ST3GAL4: variants seen among roughly 807,000 people sequenced by gnomAD.
The protein encoded by ST3GAL4 is ST3 beta-galactoside alpha-2,3-sialyltransferase 4, also known as CMP-N-acetylneuraminate-beta-galactosamide-alpha-2,3-sialyltransferase 4.
A neutral mutation model predicts 42.6 loss-of-function variants in ST3GAL4; 24 were observed. That is an observed-to-expected ratio of 0.56 (90% CI 0.41 to 0.79). The LOEUF (loss-of-function observed/expected upper bound fraction) is 0.79, where lower values mean the gene tolerates loss of function less well. Among genes scored for constraint, ST3GAL4 ranks in the 30% least tolerant of loss-of-function variants. The pLI, the probability that ST3GAL4 is intolerant of heterozygous loss-of-function variation, is 0.00. For missense variants in ST3GAL4, 311 were observed against 430.8 expected (o/e 0.72, Z 2.46); for synonymous variants, 135 against 163.2 (o/e 0.83, Z 1.32).
At chr11:126,381,041 G>A (rs988398422) in intron 1 of ST3GAL4, among the ~76,000 whole-genome samples, 12 of 152,160 alleles carry the variant, frequency 7.9e-5, no homozygotes, top group Admixed American at 6.5e-4. Context: ...AAGAACATGG[G>A]GTGCACTTCT....
intron 1 of ST3GAL4, among the ~76,000 whole-genome samples, chr11:126,365,610 C>T (rs1952395244): frequency 1.3e-5 from 2 of 152,236 alleles, no homozygotes; most frequent in African/African-American, 2.4e-5. Context: ...CAGGCCCTGA[C>T]AGGCCGGTAT....
chr11:126,408,252 C>T (rs1954352592), intron 7 of ST3GAL4, 55 bp from the exon 8 acceptor site: 1 of 1,612,718 alleles, frequency 6.2e-7, no homozygotes, highest in African/African-American at 1.3e-5. Flanking sequence ...GAGCCAGGGA[C>T]TGTAGACAGG....
intron 1 of ST3GAL4, among the ~76,000 whole-genome samples, chr11:126,399,301 CTTTTTTTTTTTTTT>C (rs58479155): frequency 1.1e-5 from 1 of 87,736 alleles, no homozygotes; most frequent in Non-Finnish European, 2.0e-5. Flanking sequence ...TTCTTTCCTT[CTTTTTTTTTTTTTT>C]TTTTTTTGAG....
chr11:126,404,970 A>G (rs145713507), intron 1 of ST3GAL4, among the ~76,000 whole-genome samples: 3,266 of 152,346 alleles, frequency 0.021, 50 homozygotes, highest in Non-Finnish European at 0.034. Context: ...AAACATGGAA[A>G]GTTTCCACTG....
chr11:126,383,192 T>C lies in ST3GAL4; in HGVS notation c.-60-22904T>C, dbSNP rs1204222149. Among the ~76,000 whole-genome samples the C allele has an allele frequency of 6.6e-6, 1 of 152,166 alleles. No individual in the cohort carries two copies. Among genetic ancestry groups the C allele is most frequent in the Non-Finnish European group, 1.5e-5 (1 of 68,014 alleles). ...GGCTCATAGGCGTGGCTGGGTCTCC[T>C]CTCAGGTGCCAGAATCTTTCTGGGA... On this transcript the variant is annotated intron_variant, in intron 1 of 10. Transcript: ENST00000444328. This position sits in a 1 kb window ranked among gnomAD's most constrained non-coding sequence, Gnocchi z 4.5.
chr11:126,408,616 A>G, intron 8 of ST3GAL4, 120 bp downstream of exon 8: 1 of 1,263,456 alleles, frequency 7.9e-7, no homozygotes, highest in Non-Finnish European at 1.1e-6. Context: ...GGACAGCATG[A>G]ACCGGGCTCC....
chr11:126,356,559 T>G (rs1027719843), intron 1 of ST3GAL4, among the ~76,000 whole-genome samples: 1 of 152,240 alleles, frequency 6.6e-6, no homozygotes, highest in African/African-American at 2.4e-5. Context: ...GGGGAGGCTC[T>G]GTCTGGGCAG....
In ST3GAL4 at chr11:126,406,347, G is replaced by C; in HGVS notation, c.17-126G>C. On this transcript the variant is annotated intron_variant, in intron 2 of 10. Coordinates refer to ENST00000444328, the MANE Select transcript of ST3GAL4 (RefSeq NM_001254757.2). The surrounding 1 kb of genome is among the most constrained non-coding windows in gnomAD (Gnocchi z 5.4). ...GTCAAGCCCTCAGCCAGGGCCAGGA[G>C]AGGGCCAGAGACTGCTTCTGTTGAG... 1 of 1,553,814 alleles carries C rather than the reference G, an allele frequency of 6.4e-7. No individual in the cohort carries two copies. The highest frequency in any genetic ancestry group is 8.7e-7 in the Non-Finnish European group (1 of 1,149,384).
At position 126,406,092 on chromosome 11, in the gene ST3GAL4, C is replaced by G. The variant is rs1255238871; in HGVS notation, c.-60-4C>G. 2.6e-6 allele frequency: 4 copies of G among 1,551,596 alleles called. No homozygotes were observed. In the Admixed American group the frequency reaches 5.9e-5, roughly 23 times the overall value. On this transcript the variant is annotated splice_polypyrimidine_tract_variant and splice_region_variant and intron_variant, in intron 1 of 10. Transcript: ENST00000444328. The surrounding 1 kb of genome is among the most constrained non-coding windows in gnomAD (Gnocchi z 5.4). The stretch of plus-strand genomic sequence containing the variant: ...ACCGGACACCTGTGGCTCTTATTTC[C>G]TAGGTGGCCCGAGGCAGCCGGGATG...
In ST3GAL4 at chr11:126,383,920, C is replaced by T. The variant is rs528606721; in HGVS notation, c.-60-22176C>T. On this transcript the variant is annotated intron_variant, in intron 1 of 10. Coordinates refer to ENST00000444328, the MANE Select transcript of ST3GAL4 (RefSeq NM_001254757.2). This position sits in a 1 kb window ranked among gnomAD's most constrained non-coding sequence, Gnocchi z 4.5. ...ACAAACTGGAGAGGGACTCTCTTGC[C>T]GCCTTCTCTGTTCCTGGGGACAGGC... Among the ~76,000 whole-genome samples the T allele has an allele frequency of 6.6e-5, 10 of 152,252 alleles. No homozygotes were observed. The highest frequency in any genetic ancestry group is 8.8e-5 in the Non-Finnish European group (6 of 68,026).
chr11:126,359,939 A>C lies in ST3GAL4; in HGVS notation c.-61+4097A>C, dbSNP rs1952191484. On this transcript the variant is annotated intron_variant, in intron 1 of 10. Transcript: ENST00000444328. The surrounding 1 kb of genome is among the most constrained non-coding windows in gnomAD (Gnocchi z 4.8). ...GGGAGGGGCCCTATGGGGTCTAAGCACAGGGAACCCAGCCAAAGTGGCTGC... is the reference window on the plus strand; with the variant it reads ...GGGAGGGGCCCTATGGGGTCTAAGCCCAGGGAACCCAGCCAAAGTGGCTGC... 6.6e-6 allele frequency among the ~76,000 whole-genome samples: 1 copy of C among 152,210 alleles called. No individual in the cohort carries two copies. The highest frequency in any genetic ancestry group is 2.4e-5 in the African/African-American group (1 of 41,462).
At chr11:126,367,066 G>C (rs957993792) in intron 1 of ST3GAL4, among the ~76,000 whole-genome samples, 18 of 152,130 alleles carry the variant, frequency 1.2e-4, no homozygotes, top group African/African-American at 3.6e-4. Flanking sequence ...AGGGGGCACC[G>C]TGGTGGAGAT....
At position 126,386,659 on chromosome 11, in the gene ST3GAL4, C is replaced by G. The variant is rs1346150130; in HGVS notation, c.-60-19437C>G. ...GCCAGCTCTGCAGAAGCCACACCTGCTCATGAGAAGGGTATCCTTGTGAGT... is the reference window on the plus strand; with the variant it reads ...GCCAGCTCTGCAGAAGCCACACCTGGTCATGAGAAGGGTATCCTTGTGAGT... On this transcript the variant is annotated intron_variant, in intron 1 of 10. Coordinates refer to ENST00000444328, the MANE Select transcript of ST3GAL4 (RefSeq NM_001254757.2). This position sits in a 1 kb window ranked among gnomAD's most constrained non-coding sequence, Gnocchi z 4.7. Among the ~76,000 whole-genome samples, 2 of 152,108 alleles carry G rather than the reference C, an allele frequency of 1.3e-5. No homozygotes were observed. Among genetic ancestry groups the G allele is most frequent in the Non-Finnish European group, 2.9e-5 (2 of 68,026 alleles).
rs1478517587 is a variant in ST3GAL4, at chr11:126,400,216, G to A, written c.-60-5880G>A. ...CTGGGAAGTCCAAGATCAAGGGGCT[G>A]CTCTGGCAAGGGCCTTCTTGCTGCA... On this transcript the variant is annotated intron_variant, in intron 1 of 10. Transcript: ENST00000444328. This position sits in a 1 kb window ranked among gnomAD's most constrained non-coding sequence, Gnocchi z 4.6. Among the ~76,000 whole-genome samples the A allele has an allele frequency of 6.6e-6, 1 of 152,252 alleles. No homozygotes were observed. Among genetic ancestry groups the A allele is most frequent in the East Asian group, 1.9e-4 (1 of 5,198 alleles).
Position 126,414,504 on chromosome 11 carries a change from G to T in ST3GAL4, c.*457G>T, listed in dbSNP as rs1366721200. On this transcript the variant is annotated 3_prime_UTR_variant, in exon 11 of 11. Coordinates refer to ENST00000444328, the MANE Select transcript of ST3GAL4 (RefSeq NM_001254757.2). ...GGGCAGGGGCATTGGGAATGGGTGG[G>T]TGCCCTCCAGAGAGGGGCTGCTACC... 5.8e-6 allele frequency: 1 copy of T among 173,530 alleles called. No homozygotes were observed. Among genetic ancestry groups the T allele is most frequent in the Non-Finnish European group, 1.2e-5 (1 of 80,568 alleles). 10.7% of individuals were successfully genotyped at this position (173,530 alleles called of 1,614,324 possible). A position where few individuals can be genotyped will look rare whatever the true frequency, so the allele number is the denominator to read the frequency against.
At chr11:126,394,039 G>T (rs913550312) in intron 1 of ST3GAL4, among the ~76,000 whole-genome samples, 1 of 152,234 alleles carries the variant, frequency 6.6e-6, no homozygotes, top group Non-Finnish European at 1.5e-5. Context: ...AGTGGCCTGG[G>T]ACTGGGGTGA....
Position 126,397,919 on chromosome 11 carries a change from C to T in ST3GAL4, c.-60-8177C>T, listed in dbSNP as rs1264354975. ...GCCCTCATGGCCTACTCTTATGAGA[C>T]CCCACCTCACAACATTGTTAACATT... On this transcript the variant is annotated intron_variant, in intron 1 of 10. Transcript: ENST00000444328. The surrounding 1 kb of genome is among the most constrained non-coding windows in gnomAD (Gnocchi z 5.0). Among the ~76,000 whole-genome samples, 1 of 149,162 alleles carries T rather than the reference C, an allele frequency of 6.7e-6. No individual in the cohort carries two copies. Among genetic ancestry groups the T allele is most frequent in the African/African-American group, 2.4e-5 (1 of 41,318 alleles).
At chr11:126,356,508 C>T (rs1282056883) in intron 1 of ST3GAL4, among the ~76,000 whole-genome samples, 2 of 152,230 alleles carry the variant, frequency 1.3e-5, no homozygotes, top group East Asian at 3.8e-4. Context: ...CCAGAACTGC[C>T]AACATGTCTG....
intron 10 of ST3GAL4, 114 bp from the exon 11 acceptor site, chr11:126,413,847 T>G: frequency 2.1e-6 from 3 of 1,424,598 alleles, no homozygotes; most frequent in Non-Finnish European, 1.9e-6. Context: ...AGAGCCAGCC[T>G]GGGGAAGGGA....
Sources: gnomAD v4.1 joint callset for allele counts (sites outside exome capture counted in the v4.1 genomes callset) on GRCh38, gnomAD v4.1.1 for gene constraint, Gnocchi (gnomAD v3.1) non-coding constraint, MANE v1.5 for transcripts, NCBI Gene and HGNC (gene_info 2026-07-23, HGNC 2026-07-21) for gene names.